The following DDX60L variants were observed in gnomAD, a reference collection of about 807,000 sequenced individuals.
DDX60L encodes probable ATP-dependent RNA helicase DDX60-like.
In DDX60L, 191 loss-of-function variants were observed where a neutral mutation model predicts 211.6. That is an observed-to-expected ratio of 0.90 (90% CI 0.80 to 1.02). DDX60L has a LOEUF of 1.02. Among genes scored for constraint, DDX60L ranks in the 50% least tolerant of loss-of-function variants. The probability of loss-of-function intolerance (pLI) is 0.00; values close to 1 mark genes in which losing one functional copy is unlikely to be tolerated. For synonymous variants in DDX60L, 706 were observed against 694.1 expected, an observed-to-expected ratio of 1.02 and a Z score of -0.27; for missense variants, 2,007 against 1,984.1, an observed-to-expected ratio of 1.01 and a Z score of -0.22.
At chr4:168,441,047 G>C (rs1226453095) in intron 10 of DDX60L, among the ~76,000 whole-genome samples, 1 of 152,092 alleles carries the variant, frequency 6.6e-6, no homozygotes, top group Non-Finnish European at 1.5e-5. Flanking sequence ...GATGGATTGG[G>C]AAGTGGCCCG....
At chr4:168,381,834 TCTC>T (rs1226553789) in intron 30 of DDX60L, among the ~76,000 whole-genome samples, 1 of 151,740 alleles carries the variant, frequency 6.6e-6, no homozygotes, top group East Asian at 1.9e-4. Context: ...AAAGAAAAAA[TCTC>T]CTCAAATACG....
chr4:168,465,802 C>T (rs1442996952), intron 4 of DDX60L, among the ~76,000 whole-genome samples: 2 of 152,110 alleles, frequency 1.3e-5, no homozygotes, highest in Admixed American at 6.6e-5. Flanking sequence ...AATCATTTGG[C>T]TGTAAATACA....
chr4:168,426,970 A>G (rs1457954530), intron 14 of DDX60L, 100 bp downstream of exon 14: 1 of 1,264,498 alleles, frequency 7.9e-7, no homozygotes, highest in Non-Finnish European at 1.1e-6. Context: ...CAGACAATGG[A>G]TTATACAAAG....
intron 22 of DDX60L, among the ~76,000 whole-genome samples, chr4:168,411,142 G>A (rs954629632): frequency 2.0e-5 from 3 of 152,140 alleles, no homozygotes; most frequent in Non-Finnish European, 4.4e-5. Context: ...CCGTGTACCT[G>A]AGGTTAAGAT....
At chr4:168,419,229 A>G in intron 19 of DDX60L, 73 bp downstream of exon 19, 1 of 1,061,780 alleles carries the variant, frequency 9.4e-7, no homozygotes, top group Non-Finnish European at 1.3e-6. Flanking sequence ...AAAAAGCCCT[A>G]TATTCTTTAA....
chr4:168,369,266 G>A (rs1740531709), intron 36 of DDX60L, among the ~76,000 whole-genome samples: 1 of 152,130 alleles, frequency 6.6e-6, no homozygotes, highest in South Asian at 2.1e-4. Flanking sequence ...TAGTGAATGA[G>A]TCTCACAAGG....
intron 10 of DDX60L, 63 bp from the exon 11 acceptor site, chr4:168,433,178 C>G: frequency 8.9e-7 from 1 of 1,121,732 alleles, no homozygotes; most frequent in Admixed American, 2.5e-5. Flanking sequence ...GAATTTTGAA[C>G]ATTATTTTTA....
intron 9 of DDX60L, among the ~76,000 whole-genome samples, chr4:168,446,436 G>T (rs1451424653): frequency 6.6e-6 from 1 of 152,172 alleles, no homozygotes; most frequent in East Asian, 1.9e-4. Context: ...AATCAATATT[G>T]TGAAAATGGC....
At chr4:168,403,292 G>GT (rs1435711682) in intron 25 of DDX60L, among the ~76,000 whole-genome samples, 5 of 151,820 alleles carry the variant, frequency 3.3e-5, no homozygotes, top group Non-Finnish European at 7.4e-5. Flanking sequence ...ACCATTTAAC[G>GT]TATCTACACA....
rs113759836 is a variant in DDX60L at position 168,448,741 on chromosome 4, G to A, written c.1035C>T (p.Asn345=). The A allele has an allele frequency of 1.0e-4, 168 of 1,606,276 alleles. No homozygotes were observed. The highest frequency in any genetic ancestry group is 1.0e-3 in the African/African-American group (76 of 74,814). ...AATTCAGATTCCAGCATCCAAAAAC[G>A]TTTAAGTTGCTTAAAATGAAATATT... is the stretch of plus-strand genomic sequence containing the variant. ...WCEYFILSNL[N]VFGCWNLNLN... Residue 345 remains asparagine (N), a synonymous_variant, in exon 9 of 38, where the codon AAC becomes AAT. Coordinates refer to ENST00000682922, the MANE Select transcript of DDX60L (RefSeq NM_001012967.3).
rs538024137 is a variant in DDX60L, at chr4:168,475,393, T to C, written c.-110-2584A>G. ...GTCTACTGTAATCAAGTTTTAATTA[T>C]ATAGAATGCATTTCCTATTTGGATC... On this transcript the variant is annotated intron_variant, in intron 1 of 37. Transcript: ENST00000682922. 7.9e-5 allele frequency among the ~76,000 whole-genome samples: 12 copies of C among 152,328 alleles called. 1 individual carries two copies. Among genetic ancestry groups the C allele is most frequent in the East Asian group, 1.9e-4 (1 of 5,188 alleles).
intron 4 of DDX60L, among the ~76,000 whole-genome samples, chr4:168,466,420 A>G (rs1334024241): frequency 3.9e-5 from 6 of 152,208 alleles, no homozygotes; most frequent in Non-Finnish European, 7.4e-5. Context: ...AGTAGATGAT[A>G]TTATGGCTTT....
intron 9 of DDX60L, 87 bp from the exon 10 acceptor site, chr4:168,441,579 G>C (rs1579665149): frequency 9.1e-7 from 1 of 1,103,728 alleles, no homozygotes; most frequent in Admixed American, 2.5e-5. Context: ...AATTCATAGA[G>C]CTCTGGAAAG....
At chr4:168,375,280 CCTTTACCAG>C (rs1188378862) in intron 34 of DDX60L, 88 bp downstream of exon 34, 3 of 1,338,550 alleles carry the variant, frequency 2.2e-6, no homozygotes, top group Non-Finnish European at 3.1e-6. Flanking sequence ...GTAATAAGCT[CCTTTACCAG>C]CTTTGAAGCA....
At chr4:168,440,223 T>TCA (rs1390978459) in intron 10 of DDX60L, among the ~76,000 whole-genome samples, 10 of 152,058 alleles carry the variant, frequency 6.6e-5, no homozygotes. Context: ...AGACTCTGTC[T>TCA]CACACACACA....
intron 26 of DDX60L, among the ~76,000 whole-genome samples, chr4:168,398,600 C>G (rs1205289509): frequency 1.3e-5 from 2 of 152,206 alleles, no homozygotes; most frequent in Non-Finnish European, 2.9e-5. Context: ...GTCCTGTGGA[C>G]CAGAGTGGGA....
chr4:168,430,304 TC>T (rs1752148099), intron 13 of DDX60L, among the ~76,000 whole-genome samples, 173 bp downstream of exon 13: 1 of 152,202 alleles, frequency 6.6e-6, no homozygotes, highest in African/African-American at 2.4e-5. Context: ...AAACCTTTTT[TC>T]TTTATAAATT....
intron 34 of DDX60L, 45 bp downstream of exon 34, chr4:168,375,332 G>T: frequency 6.3e-7 from 1 of 1,581,194 alleles, no homozygotes; most frequent in Non-Finnish European, 8.6e-7. Context: ...AACCAAGATT[G>T]TTTACTCTTT....
chr4:168,442,035 G>A (rs1753923446), intron 9 of DDX60L, among the ~76,000 whole-genome samples: 1 of 152,130 alleles, frequency 6.6e-6, no homozygotes, highest in African/African-American at 2.4e-5. Context: ...CTGGTCTACA[G>A]CTCCCAGCGT....
Sources: gnomAD v4.1 joint callset for allele counts (sites outside exome capture counted in the v4.1 genomes callset) on GRCh38, gnomAD v4.1.1 for gene constraint, MANE v1.5 for transcripts, NCBI Gene and HGNC (gene_info 2026-07-23, HGNC 2026-07-21) for gene names.